The following ITPRID2 variants were observed in gnomAD, a reference collection of about 807,000 sequenced individuals.
The protein encoded by ITPRID2 is protein ITPRID2.
A neutral mutation model predicts 124.3 loss-of-function variants in ITPRID2; 60 were observed. The observed-to-expected ratio is 0.48, with a 90% CI of 0.39 to 0.60. ITPRID2 has a LOEUF of 0.60. ITPRID2 is among the 20% of genes least tolerant of loss of function. The pLI is 0.00. For synonymous variants in ITPRID2, 521 were observed against 542.9 expected (o/e 0.96, Z 0.56); for missense variants, 1,553 against 1,512.2 (o/e 1.03, Z -0.45).
Position 181,918,816 on chromosome 2 carries a change from T to C in ITPRID2, c.2927T>C (p.Met976Thr), listed in dbSNP as rs1448657823. 11 of 1,614,094 alleles carry C rather than the reference T, an allele frequency of 6.8e-6. No homozygotes were observed. Among genetic ancestry groups the C allele is most frequent in the Non-Finnish European group, 8.5e-6 (10 of 1,180,034 alleles). Residue 976 changes from methionine (M) to threonine (T), a missense_variant, in exon 13 of 18, where the codon ATG becomes ACG. Coordinates refer to ENST00000431877, the MANE Select transcript of ITPRID2 (RefSeq NM_001130445.3). ...RSLNLFRTQM[M>T]DLELAMLRQQ... ...CTGAATTTGTTTAGAACACAAATGA[T>C]GGATTTAGAATTGGCAATGCTGCGT...
At chr2:181,921,890 T>G (rs1694503375) in intron 15 of ITPRID2, 58 bp from the exon 16 acceptor site, 1 of 1,492,574 alleles carries the variant, frequency 6.7e-7, no homozygotes, top group Non-Finnish European at 9.1e-7. Context: ...ACTTTAACCT[T>G]TTTAGCTACC....
intron 8 of ITPRID2, among the ~76,000 whole-genome samples, chr2:181,909,267 G>A (rs763203911): frequency 1.3e-5 from 2 of 152,152 alleles, no homozygotes; most frequent in East Asian, 3.9e-4. Flanking sequence ...GGACAAAGCA[G>A]TCTTAAACCT....
intron 17 of ITPRID2, among the ~76,000 whole-genome samples, chr2:181,929,078 CT>C (rs1695090880): frequency 6.6e-6 from 1 of 151,642 alleles, no homozygotes; most frequent in Non-Finnish European, 1.5e-5. Context: ...TATCTCGTAG[CT>C]CTAATTACAT....
At chr2:181,899,277 GTTTT>G (rs1194892829) in intron 6 of ITPRID2, among the ~76,000 whole-genome samples, 165 bp downstream of exon 6, 3 of 152,050 alleles carry the variant, frequency 2.0e-5, no homozygotes, top group Non-Finnish European at 4.4e-5. Context: ...GTTTTGTTTT[GTTTT>G]GTTTTGTTTT....
At position 181,922,010 on chromosome 2, in the gene ITPRID2, A is replaced by G; in HGVS notation, c.3273A>G (p.Glu1091=). The change falls in exon 16 of 18, where the codon GAA becomes GAG. Residue 1091 remains glutamate (E), a synonymous_variant. Transcript: ENST00000431877. ...LKSELGLGLG[E]MGFEIPPGES... is the part of the protein sequence containing the mutation. ...CTGAATTGGGCCTGGGACTTGGAGA[A>G]ATGGGATTTGAAATTCCTCCTGGAG... 1.2e-6 allele frequency: 2 copies of G among 1,614,206 alleles called. No individual in the cohort carries two copies. The highest frequency in any genetic ancestry group is 1.7e-6 in the Non-Finnish European group (2 of 1,180,038).
At chr2:181,916,934 G>A (rs1369002454) in intron 11 of ITPRID2, 1 of 991,606 alleles carries the variant, frequency 1.0e-6, no homozygotes, top group Non-Finnish European at 1.2e-6. Flanking sequence ...CCTCGATGCT[G>A]TGCACAGAGT....
rs1430007331 is a variant in ITPRID2, at chr2:181,905,556, A to C, written c.1413+3090A>C. Reference sequence around the variant, plus strand: ...AAGCAGATGTTCATCTTTTAGATGTAAAGGAAAAACTTAAGAAGGAGAACT... The same window carrying C: ...AAGCAGATGTTCATCTTTTAGATGTCAAGGAAAAACTTAAGAAGGAGAACT... On this transcript the variant is annotated intron_variant, in intron 8 of 17. Transcript: ENST00000431877. The surrounding 1 kb of genome is among the most constrained non-coding windows in gnomAD (Gnocchi z 4.1). Among the ~76,000 whole-genome samples the C allele has an allele frequency of 6.6e-6, 1 of 152,186 alleles. No individual in the cohort carries two copies. Among genetic ancestry groups the C allele is most frequent in the Non-Finnish European group, 1.5e-5 (1 of 68,016 alleles).
At chr2:181,904,740 A>T (rs1352894382) in intron 8 of ITPRID2, among the ~76,000 whole-genome samples, 4 of 152,222 alleles carry the variant, frequency 2.6e-5, no homozygotes, top group Non-Finnish European at 5.9e-5. Flanking sequence ...TCTCAGAAAC[A>T]TTATCTGAGC....
At chr2:181,928,038 C>A in intron 16 of ITPRID2, 123 bp from the exon 17 acceptor site, 1 of 640,236 alleles carries the variant, frequency 1.6e-6, no homozygotes. Context: ...CTCTGTATTG[C>A]AGGGAGATTC....
Position 181,916,039 on chromosome 2 carries a change from T to C in ITPRID2, c.2399T>C (p.Ile800Thr), listed in dbSNP as rs1023825247. Reference sequence around the variant, plus strand: ...GGTCAGTCTTTAGTTAAATCGACCATTTTCATCTCTCCATCATCTGTGAAG... The same window carrying C: ...GGTCAGTCTTTAGTTAAATCGACCACTTTCATCTCTCCATCATCTGTGAAG... ...HDGQSLVKST[I>T]FISPSSVKKE... The change falls in exon 11 of 18, where the codon ATT becomes ACT. Residue 800 changes from isoleucine (I) to threonine (T), a missense_variant. By Grantham distance (89) the Ile-to-Thr change is moderately conservative. Transcript: ENST00000431877. 8.7e-6 allele frequency: 14 copies of C among 1,614,150 alleles called. No individual in the cohort carries two copies. Among genetic ancestry groups the C allele is most frequent in the Non-Finnish European group, 1.1e-5 (13 of 1,180,032 alleles).
chr2:181,923,294 C>T (rs1297434118), intron 16 of ITPRID2, among the ~76,000 whole-genome samples: 1 of 152,168 alleles, frequency 6.6e-6, no homozygotes, highest in Non-Finnish European at 1.5e-5. Flanking sequence ...TTAAATTGTA[C>T]ATAAGCAAAT....
In ITPRID2 at chr2:181,901,966, T is replaced by C. The variant is rs1244104586; in HGVS notation, c.913T>C (p.Cys305Arg). 3 of 1,613,914 alleles carry C rather than the reference T, an allele frequency of 1.9e-6. No individual in the cohort carries two copies. Among genetic ancestry groups the C allele is most frequent in the Non-Finnish European group, 2.5e-6 (3 of 1,179,900 alleles). Reference protein sequence around the residue: ...LMKTLSKLNLCVDKTEKGESS... With the variant: ...LMKTLSKLNLRVDKTEKGESS... ...GAAAACACTCTCAAAACTGAATTTATGTGTTGATAAAACAGAGAAAGGAGA... is the reference window on the plus strand; with the variant it reads ...GAAAACACTCTCAAAACTGAATTTACGTGTTGATAAAACAGAGAAAGGAGA... Residue 305 changes from cysteine to arginine, a missense_variant, in exon 8 of 18, where the codon TGT becomes CGT. Coordinates refer to ENST00000431877, the MANE Select transcript of ITPRID2 (RefSeq NM_001130445.3).
intron 6 of ITPRID2, among the ~76,000 whole-genome samples, chr2:181,900,075 G>T (rs968593029): frequency 2.6e-5 from 4 of 152,152 alleles, no homozygotes; most frequent in Non-Finnish European, 4.4e-5. Context: ...GAGAGAGAAG[G>T]GATACTAAAT....
At chr2:181,894,909 A>G (rs936239701) in intron 2 of ITPRID2, among the ~76,000 whole-genome samples, 3 of 152,130 alleles carry the variant, frequency 2.0e-5, no homozygotes, top group Non-Finnish European at 4.4e-5. Flanking sequence ...GGACAGAGTA[A>G]TACAATGTTT....
intron 16 of ITPRID2, among the ~76,000 whole-genome samples, chr2:181,924,743 C>T (rs1263088948): frequency 1.3e-5 from 2 of 152,154 alleles, no homozygotes; most frequent in African/African-American, 4.8e-5. Context: ...TGAAGGACAA[C>T]ATTGAAAGTC....
intron 9 of ITPRID2, among the ~76,000 whole-genome samples, chr2:181,911,183 A>G (rs1041432490): frequency 9.2e-5 from 14 of 152,286 alleles, no homozygotes; most frequent in African/African-American, 2.9e-4. Context: ...CATGAGAGAG[A>G]AGAGAGAACA....
rs1694359854 is a variant in ITPRID2 at position 181,919,893 on chromosome 2, G to A, written c.3144+447G>A. ...GATTCTTTTCCATTTGTTTTTAAAG[G>A]AATCAAATGATACCTGTATATTTTC... is the stretch of plus-strand genomic sequence containing the variant. On this transcript the variant is annotated intron_variant, in intron 14 of 17. Coordinates refer to ENST00000431877, the MANE Select transcript of ITPRID2 (RefSeq NM_001130445.3). The surrounding 1 kb of genome is among the most constrained non-coding windows in gnomAD (Gnocchi z 4.2). 6.6e-6 allele frequency among the ~76,000 whole-genome samples: 1 copy of A among 151,134 alleles called. No homozygotes were observed. The highest frequency in any genetic ancestry group is 2.4e-5 in the African/African-American group (1 of 41,144).
At chr2:181,924,425 A>T (rs113043167) in intron 16 of ITPRID2, among the ~76,000 whole-genome samples, 49 of 152,306 alleles carry the variant, frequency 3.2e-4, no homozygotes, top group African/African-American at 1.1e-3. Flanking sequence ...ATTTTTTAAA[A>T]TCTTGGTGTA....
chr2:181,915,352 C>A lies in ITPRID2; in HGVS notation c.1712C>A (p.Ser571Tyr). Residue 571 changes from serine (S) to tyrosine (Y), a missense_variant, in exon 11 of 18, where the codon TCT becomes TAT. By Grantham distance (144) the Ser-to-Tyr change is moderately radical (BLOSUM62 -2). Coordinates refer to ENST00000431877, the MANE Select transcript of ITPRID2 (RefSeq NM_001130445.3). Reference sequence around the variant, plus strand: ...TATTTTAATGAATCAGAGGAGGAGTCTCTTGTCCCTCTTCAGAAGGGACTA... The same window carrying A: ...TATTTTAATGAATCAGAGGAGGAGTATCTTGTCCCTCTTCAGAAGGGACTA... Reference protein sequence around the residue: ...QPYFNESEEESLVPLQKGLEK... With the variant: ...QPYFNESEEEYLVPLQKGLEK... The A allele has an allele frequency of 1.9e-6, 3 of 1,614,140 alleles. No individual in the cohort carries two copies. In the South Asian group the frequency reaches 3.3e-5, roughly 18 times the overall value.
Sources: gnomAD v4.1 joint callset for allele counts (sites outside exome capture counted in the v4.1 genomes callset) on GRCh38, gnomAD v4.1.1 for gene constraint, Gnocchi (gnomAD v3.1) non-coding constraint, MANE v1.5 for transcripts, NCBI Gene and HGNC (gene_info 2026-07-23, HGNC 2026-07-21) for gene names.